TIAM1: variants seen among roughly 807,000 people sequenced by gnomAD.
The protein encoded by TIAM1 is TIAM Rac1 associated GEF 1, also known as rho guanine nucleotide exchange factor TIAM1.
A neutral mutation model predicts 163.5 loss-of-function variants in TIAM1; 65 were observed. The ratio of observed to expected loss-of-function variants is 0.40; its 90% confidence interval spans 0.33 to 0.49. TIAM1 has a LOEUF of 0.49. TIAM1 is among the 20% of genes least tolerant of loss of function. The probability of loss-of-function intolerance (pLI) is 0.77; values close to 1 mark genes in which losing one functional copy is unlikely to be tolerated. For synonymous variants in TIAM1, 833 were observed against 810.1 expected (o/e 1.03, Z -0.48); for missense variants, 1,789 against 2,044.7 (o/e 0.87, Z 2.41).
intron 23 of TIAM1, 40 bp from the exon 24 acceptor site, chr21:31,130,988 T>C (rs369366700): frequency 2.3e-5 from 37 of 1,580,652 alleles, no homozygotes; most frequent in East Asian, 9.0e-5. Flanking sequence ...GTATGTCATG[T>C]GTAGGGTTTT....
chr21:31,311,575 G>A (rs1461791626), intron 2 of TIAM1, among the ~76,000 whole-genome samples: 1 of 152,150 alleles, frequency 6.6e-6, no homozygotes, highest in Non-Finnish European at 1.5e-5. Context: ...AGCAGTCCAT[G>A]AATTGAGGGG....
At chr21:31,306,346 A>G (rs1282877679) in intron 2 of TIAM1, among the ~76,000 whole-genome samples, 1 of 152,200 alleles carries the variant, frequency 6.6e-6, no homozygotes, top group East Asian at 1.9e-4. Flanking sequence ...AAAATAGGAA[A>G]CTACAAGTCC....
chr21:31,389,742 A>G (rs1402194551), intron 2 of TIAM1, among the ~76,000 whole-genome samples: 1 of 152,208 alleles, frequency 6.6e-6, no homozygotes, highest in Non-Finnish European at 1.5e-5. Flanking sequence ...ATTTTAACCA[A>G]TATTTGATGA....
chr21:31,222,667 G>A (rs7276230), intron 8 of TIAM1, among the ~76,000 whole-genome samples: 16,322 of 104,514 alleles, frequency 0.16, 3,344 homozygotes, highest in African/African-American at 0.47. Flanking sequence ...ATACATACAT[G>A]TACACATACA....
chr21:31,144,808 G>A (rs2083027346), intron 20 of TIAM1, among the ~76,000 whole-genome samples: 1 of 119,194 alleles, frequency 8.4e-6, no homozygotes, highest in African/African-American at 3.2e-5. Context: ...CAGCCTGGGT[G>A]ACAGAGTGAG....
chr21:31,513,262 T>G (rs1051711667), intron 1 of TIAM1, among the ~76,000 whole-genome samples: 2 of 152,134 alleles, frequency 1.3e-5, no homozygotes, highest in Non-Finnish European at 2.9e-5. Flanking sequence ...CCCTATGAAA[T>G]AGGTAAACTA....
chr21:31,555,361 T>C (rs181492250), intron 1 of TIAM1, among the ~76,000 whole-genome samples: 5 of 152,286 alleles, frequency 3.3e-5, no homozygotes, highest in Admixed American at 2.0e-4. Flanking sequence ...CTTAGAAACA[T>C]ACCTTCTACC....
intron 2 of TIAM1, among the ~76,000 whole-genome samples, chr21:31,325,170 C>T (rs923599153): frequency 6.6e-6 from 1 of 151,552 alleles, no homozygotes; most frequent in Non-Finnish European, 1.5e-5. Context: ...CGTAGTCCCA[C>T]CTACTCAGGA....
intron 2 of TIAM1, among the ~76,000 whole-genome samples, chr21:31,423,995 T>C (rs983670707): frequency 1.3e-5 from 2 of 152,174 alleles, no homozygotes; most frequent in African/African-American, 4.8e-5. Flanking sequence ...TTATACACTT[T>C]ACGTGCATGA....
intron 3 of TIAM1, among the ~76,000 whole-genome samples, chr21:31,267,393 C>G (rs1420566055): frequency 6.6e-6 from 1 of 152,156 alleles, no homozygotes; most frequent in Non-Finnish European, 1.5e-5. Context: ...AAAGTACAAA[C>G]CAAAATGTTC....
At chr21:31,356,847 GGCTCAGGCCTGTAATCTTA>G (rs1227273717) in intron 2 of TIAM1, among the ~76,000 whole-genome samples, 1 of 152,204 alleles carries the variant, frequency 6.6e-6, no homozygotes, top group African/African-American at 2.4e-5. Context: ...TGGGCGCAGT[GGCTCAGGCCTGTAATCTTA>G]GCACTTTGGG....
chr21:31,266,088 G>C lies in TIAM1; in HGVS notation c.885C>G (p.His295Gln). The C allele has an allele frequency of 6.2e-7, 1 of 1,614,246 alleles. No individual in the cohort carries two copies. Among genetic ancestry groups the C allele is most frequent in the East Asian group, 2.2e-5 (1 of 44,878 alleles). The change falls in exon 4 of 28, where the codon CAC (histidine) becomes CAG (glutamine). Residue 295 changes from histidine (H) to glutamine (Q), a missense_variant. His to Gln is a conservative substitution (Grantham distance 24, BLOSUM62 0). Transcript: ENST00000541036. ...GGTTGGTGGCACCTTCAGAGAGACAGTGAGATTTCCTACAGGGAAGTGTGT... is the reference window on the plus strand; with the variant it reads ...GGTTGGTGGCACCTTCAGAGAGACACTGAGATTTCCTACAGGGAAGTGTGT... ...NYNTLPCRKS[H>Q]CLSEGATNPQ...
intron 2 of TIAM1, among the ~76,000 whole-genome samples, chr21:31,309,062 G>A (rs954098523): frequency 3.3e-5 from 5 of 152,124 alleles, no homozygotes; most frequent in African/African-American, 7.2e-5. Flanking sequence ...ACGATATACC[G>A]ATCAATTCTG....
At chr21:31,344,891 C>T (rs1338411652), upstream of TIAM1, among the ~76,000 whole-genome samples, 1 of 152,200 alleles carries the variant, frequency 6.6e-6, no homozygotes, top group Non-Finnish European at 1.5e-5. Context: ...TTCCTTCCCC[C>T]TGGAAAGAAA....
At chr21:31,267,006 G>A in intron 3 of TIAM1, 23 bp from the exon 4 acceptor site, 1 of 1,568,168 alleles carries the variant, frequency 6.4e-7, no homozygotes, top group Non-Finnish European at 8.6e-7. Flanking sequence ...GGGGGGAAAG[G>A]GGAGAATTGA....
At chr21:31,344,594 C>T (rs767906970), upstream of TIAM1, among the ~76,000 whole-genome samples, 1 of 152,164 alleles carries the variant, frequency 6.6e-6, no homozygotes, top group Non-Finnish European at 1.5e-5. Flanking sequence ...GTTACATAAG[C>T]GCCCCCCACC....
At chr21:31,172,049 A>G (rs2084536308) in intron 15 of TIAM1, among the ~76,000 whole-genome samples, 1 of 152,226 alleles carries the variant, frequency 6.6e-6, no homozygotes, top group Admixed American at 6.5e-5. Context: ...TGAGCAAGTA[A>G]AACAGTTGTT....
chr21:31,159,268 C>T lies in TIAM1; in HGVS notation c.2992-4842G>A, dbSNP rs116569403. Among the ~76,000 whole-genome samples the T allele has an allele frequency of 7.8e-3, 1,189 of 152,180 alleles. 17 individuals carry two copies. Among genetic ancestry groups the T allele is most frequent in the African/African-American group, 0.027 (1,120 of 41,524 alleles). On this transcript the variant is annotated intron_variant, in intron 16 of 27. Coordinates refer to ENST00000541036, the MANE Select transcript of TIAM1 (RefSeq NM_001353694.2). ...GACAATGGCAAGAGGAAATGGGCCA[C>T]TTTACTGAGACCAGCGTGATGCTCA... is the stretch of plus-strand genomic sequence containing the variant.
intron 19 of TIAM1, among the ~76,000 whole-genome samples, chr21:31,148,681 C>T (rs931382523): frequency 6.6e-6 from 1 of 152,132 alleles, no homozygotes; most frequent in African/African-American, 2.4e-5. Flanking sequence ...ACAGATGAAA[C>T]ACTAAGGTAT....
Sources: gnomAD v4.1 joint callset for allele counts (sites outside exome capture counted in the v4.1 genomes callset) on GRCh38, gnomAD v4.1.1 for gene constraint, MANE v1.5 for transcripts, NCBI Gene and HGNC (gene_info 2026-07-23, HGNC 2026-07-21) for gene names.